Variants in ZMYND11 observed in about 807,000 individuals in gnomAD.
ZMYND11 encodes the protein zinc finger MYND-type containing 11.
A neutral mutation model predicts 84.9 loss-of-function variants in ZMYND11; 9 were observed. That is an observed-to-expected ratio of 0.11 (90% confidence interval 0.06 to 0.18). The LOEUF (loss-of-function observed/expected upper bound fraction) is 0.18. Ranked by LOEUF, ZMYND11 falls within the 10% of genes least tolerant of loss-of-function variation. The pLI is 1.00. For missense variants in ZMYND11, 409 were observed against 761.0 expected, an observed-to-expected ratio of 0.54 and a Z score of 5.44; for synonymous variants, 250 against 244.1, an observed-to-expected ratio of 1.02 and a Z score of -0.23.
chr10:132,718 C>T (rs1242924070), upstream of ZMYND11, among the ~76,000 whole-genome samples: 1 of 152,182 alleles, frequency 6.6e-6, no homozygotes, highest in East Asian at 1.9e-4. Context: ...CTTACACACA[C>T]TATACTGTCC....
At chr10:224,838 A>ACACCTGTCAAAGGTGACATATGC (rs1211385584) in intron 4 of ZMYND11, among the ~76,000 whole-genome samples, 1 of 152,234 alleles carries the variant, frequency 6.6e-6, no homozygotes, top group Non-Finnish European at 1.5e-5. Flanking sequence ...CGGTATGGAA[A>ACACCTGTCAAAGGTGACATATGC]CACCTGTCAA....
chr10:168,961 C>T (rs1554764777), intron 1 of ZMYND11, among the ~76,000 whole-genome samples: 1 of 152,096 alleles, frequency 6.6e-6, no homozygotes, highest in African/African-American at 2.4e-5. Context: ...GTTTTTACCT[C>T]TAGGAGCTTG....
Position 178,258 on chromosome 10 carries a change from G to A in ZMYND11, c.-19-1736G>A, listed in dbSNP as rs915180431. Among the ~76,000 whole-genome samples the A allele has an allele frequency of 5.1e-4, 78 of 152,136 alleles. 1 individual carries two copies. Among genetic ancestry groups the A allele is most frequent in the Admixed American group, 2.0e-4 (3 of 15,282 alleles). ...GATTATTTTCTTGGCAAGGGTCGCC[G>A]TTTATACAGTTTTAACTACTTCATT... On this transcript the variant is annotated intron_variant, in intron 1 of 14. Transcript: ENST00000381604.
intron 1 of ZMYND11, among the ~76,000 whole-genome samples, chr10:144,266 T>A (rs1490044400): frequency 6.6e-6 from 1 of 152,214 alleles, no homozygotes; most frequent in Non-Finnish European, 1.5e-5. Context: ...TTGCCCAGGC[T>A]GGAGTGCAGT....
intron 4 of ZMYND11, among the ~76,000 whole-genome samples, chr10:231,834 A>C (rs1949061439): frequency 6.6e-6 from 1 of 152,244 alleles, no homozygotes; most frequent in South Asian, 2.1e-4. Context: ...AAACGTCTAC[A>C]ACCCTGCTTC....
At chr10:181,399 G>A (rs889351691) in intron 2 of ZMYND11, among the ~76,000 whole-genome samples, 5 of 152,152 alleles carry the variant, frequency 3.3e-5, no homozygotes, top group South Asian at 2.1e-4. Flanking sequence ...CTGGTGGATC[G>A]CCTGAGCTCA....
At chr10:243,414 GT>G (rs1951450574) in intron 10 of ZMYND11, among the ~76,000 whole-genome samples, 1 of 152,054 alleles carries the variant, frequency 6.6e-6, no homozygotes, top group Non-Finnish European at 1.5e-5. Flanking sequence ...ATACTAATAG[GT>G]AAGAATAATC....
intron 1 of ZMYND11, among the ~76,000 whole-genome samples, chr10:147,366 T>C (rs1839144035): frequency 6.6e-6 from 1 of 152,172 alleles, no homozygotes; most frequent in Non-Finnish European, 1.5e-5. Context: ...CCCCATTCAG[T>C]ATGTTGGCTC....
intron 2 of ZMYND11, among the ~76,000 whole-genome samples, chr10:194,018 C>T (rs1338561380): frequency 6.6e-6 from 1 of 151,820 alleles, no homozygotes; most frequent in Non-Finnish European, 1.5e-5. Context: ...AGGGTCTCAC[C>T]CTGTTAACCA....
intron 1 of ZMYND11, among the ~76,000 whole-genome samples, chr10:152,903 G>GA (rs782359164): frequency 2.6e-5 from 4 of 152,190 alleles, no homozygotes; most frequent in Non-Finnish European, 5.9e-5. Context: ...TCAGGATTAA[G>GA]AACTCACTCA....
intron 1 of ZMYND11, among the ~76,000 whole-genome samples, chr10:156,300 T>TG (rs1170951065): frequency 1.3e-5 from 2 of 152,168 alleles, no homozygotes; most frequent in African/African-American, 4.8e-5. Context: ...ATGATGACCC[T>TG]GGGGAGTTAG....
chr10:180,635 G>A (rs1380607926), intron 2 of ZMYND11, among the ~76,000 whole-genome samples: 4 of 152,148 alleles, frequency 2.6e-5, no homozygotes, highest in Admixed American at 6.5e-5. Context: ...TCCTGACCTC[G>A]TGATTCGCCC....
chr10:148,167 A>T (rs1839368173), intron 1 of ZMYND11: 1 of 152,302 alleles, frequency 6.6e-6, no homozygotes. Context: ...GTGGTTCTAC[A>T]GGTTTGGCAG....
At chr10:235,894 CA>C in intron 4 of ZMYND11, among the ~76,000 whole-genome samples, 1 of 152,324 alleles carries the variant, frequency 6.6e-6, no homozygotes, top group Middle Eastern at 3.4e-3. Context: ...TACGTATAAT[CA>C]ATTCACTTAA....
At chr10:229,515 C>T (rs1948651711) in intron 4 of ZMYND11, among the ~76,000 whole-genome samples, 1 of 151,944 alleles carries the variant, frequency 6.6e-6, no homozygotes, top group Admixed American at 6.6e-5. Context: ...TAGGATGTGG[C>T]TCTGTGGAAT....
intron 1 of ZMYND11, among the ~76,000 whole-genome samples, chr10:153,068 A>G (rs573075789): frequency 1.3e-5 from 2 of 152,262 alleles, no homozygotes; most frequent in African/African-American, 2.4e-5. Context: ...GAAAATTCCT[A>G]TTGTCTCTCT....
At chr10:198,911 A>G (rs1414455792) in intron 2 of ZMYND11, among the ~76,000 whole-genome samples, 1 of 152,218 alleles carries the variant, frequency 6.6e-6, no homozygotes, top group East Asian at 1.9e-4. Flanking sequence ...ACATGATTGA[A>G]GCTGGGCTTT....
intron 4 of ZMYND11, among the ~76,000 whole-genome samples, chr10:228,222 C>T (rs1948451023): frequency 6.6e-6 from 1 of 152,304 alleles, no homozygotes; most frequent in South Asian, 2.1e-4. Flanking sequence ...ATATAATTTA[C>T]TGTATTACCT....
At chr10:232,167 C>T (rs1027878091) in intron 4 of ZMYND11, among the ~76,000 whole-genome samples, 1 of 152,194 alleles carries the variant, frequency 6.6e-6, no homozygotes, top group Non-Finnish European at 1.5e-5. Flanking sequence ...CAGAAGCTAC[C>T]TCTTTCTTAG....
Sources: gnomAD v4.1 joint callset for allele counts (sites outside exome capture counted in the v4.1 genomes callset) on GRCh38, gnomAD v4.1.1 for gene constraint, MANE v1.5 for transcripts, NCBI Gene and HGNC (gene_info 2026-07-23, HGNC 2026-07-21) for gene names.